DHX30: variants seen among roughly 807,000 people sequenced by gnomAD.
DHX30 encodes DExH-box helicase 30.
In DHX30, 4 loss-of-function variants were observed where a neutral mutation model predicts 116.9. The ratio of observed to expected loss-of-function variants is 0.03; its 90% CI spans 0.02 to 0.08. The LOEUF (loss-of-function observed/expected upper bound fraction) is 0.08. Ranked by LOEUF, DHX30 falls within the 10% of genes least tolerant of loss-of-function variation. The probability of loss-of-function intolerance (pLI) is 1.00; values close to 1 mark genes in which losing one functional copy is unlikely to be tolerated. For missense variants in DHX30, 871 were observed against 1,595.1 expected, an observed-to-expected ratio of 0.55 and a Z score of 7.73; for synonymous variants, 697 against 651.7, an observed-to-expected ratio of 1.07 and a Z score of -1.06.
chr3:47,841,052 T>C lies in DHX30; in HGVS notation c.542T>C (p.Leu181Pro), dbSNP rs1209481711. ...ESIRPGGPGG[L>P]SRSLGREEEE... The stretch of plus-strand genomic sequence containing the variant: ...ATTCGACCAGGGGGACCTGGGGGCC[T>C]ATCCCGCTCTTTAGGCCGGGAAGAA... Residue 181 changes from leucine to proline, a missense_variant, in exon 7 of 22, where the codon CTA becomes CCA. By Grantham distance (98) the Leu-to-Pro change is moderately conservative. Around this residue, in one of 13 missense-constraint regions of DHX30, gnomAD observed 109 missense variants for 118.8 expected, o/e 0.92. Coordinates refer to ENST00000445061, the MANE Select transcript of DHX30 (RefSeq NM_138615.3). 1.2e-6 allele frequency: 2 copies of C among 1,614,152 alleles called. No individual in the cohort carries two copies. The highest frequency in any genetic ancestry group is 2.2e-5 in the East Asian group (1 of 44,872).
At chr3:47,836,707 CAG>C (rs1469007901) in intron 6 of DHX30, among the ~76,000 whole-genome samples, 1 of 151,988 alleles carries the variant, frequency 6.6e-6, no homozygotes, top group East Asian at 1.9e-4. Context: ...TTAGTAGAGA[CAG>C]GGTTTCACCA....
rs2037956804 is a variant in DHX30, at chr3:47,849,623, T to TC, written c.3192-4dup. ...AAGGGTGGCCTCACCAGCCCTGTGT[T>TC]CCCTAGGGAGGCCACACGGTTACGG... On this transcript the variant is annotated splice_polypyrimidine_tract_variant and splice_region_variant and intron_variant, in intron 20 of 21. Coordinates refer to ENST00000445061, the MANE Select transcript of DHX30 (RefSeq NM_138615.3). 1 of 1,613,970 alleles carries TC rather than the reference T, an allele frequency of 6.2e-7. No individual in the cohort carries two copies. Among genetic ancestry groups the TC allele is most frequent in the Admixed American group, 1.7e-5 (1 of 59,998 alleles).
chr3:47,839,421 A>G, intron 6 of DHX30, among the ~76,000 whole-genome samples: 1 of 151,092 alleles, frequency 6.6e-6, no homozygotes, highest in Non-Finnish European at 1.5e-5. Flanking sequence ...CAGCCTCCCA[A>G]GTAGCTGGAA....
At chr3:47,819,881 C>A (rs998882817) in intron 4 of DHX30, among the ~76,000 whole-genome samples, 1 of 152,172 alleles carries the variant, frequency 6.6e-6, no homozygotes, top group Non-Finnish European at 1.5e-5. Context: ...GTCACTCGGC[C>A]CCACCTACTC....
At chr3:47,817,874 G>T (rs1438333998) in intron 3 of DHX30, 148 bp from the exon 4 acceptor site, 7 of 735,698 alleles carry the variant, frequency 9.5e-6, no homozygotes, top group African/African-American at 1.7e-5. Context: ...TGTTAGTGCT[G>T]TTCCTCAGAA....
chr3:47,824,962 G>A (rs901736801), intron 4 of DHX30: 2 of 498,058 alleles, frequency 4.0e-6, no homozygotes, highest in Non-Finnish European at 7.0e-6. Flanking sequence ...CAGGGGGCGC[G>A]CGGCGCTCGG....
At chr3:47,811,787 G>A (rs2035800484) in intron 3 of DHX30, among the ~76,000 whole-genome samples, 1 of 152,056 alleles carries the variant, frequency 6.6e-6, no homozygotes, top group Admixed American at 6.6e-5. Context: ...AGATTGGCTG[G>A]GCATGATGGC....
intron 6 of DHX30, among the ~76,000 whole-genome samples, chr3:47,836,542 G>A (rs1310578022): frequency 1.3e-5 from 2 of 151,636 alleles, no homozygotes; most frequent in African/African-American, 4.9e-5. Context: ...GTTTTGAGAT[G>A]GTGTCTTGCT....
chr3:47,839,673 T>G (rs1047408345), intron 6 of DHX30, among the ~76,000 whole-genome samples: 11 of 151,806 alleles, frequency 7.2e-5, no homozygotes, highest in Admixed American at 5.9e-4. Context: ...ACATAGGTTT[T>G]TTTGTTTGTT....
At chr3:47,831,965 G>A (rs2036879306) in intron 6 of DHX30, among the ~76,000 whole-genome samples, 2 of 109,270 alleles carry the variant, frequency 1.8e-5, no homozygotes, top group African/African-American at 6.8e-5. Context: ...CTCTCCCATC[G>A]TCTTGGCATT....
At position 47,848,943 on chromosome 3, in the gene DHX30, C is replaced by T; in HGVS notation, c.2793C>T (p.Asp931=). 1 of 1,610,886 alleles carries T rather than the reference C, an allele frequency of 6.2e-7. No individual in the cohort carries two copies. The highest frequency in any genetic ancestry group is 8.5e-7 in the Non-Finnish European group (1 of 1,178,040). ...AGGTGAAAGCACTGTTGAGCCATGA[C>T]AGCGGCAGTGACCACCTGGCCTTTG... ...VDKVKALLSH[D]SGSDHLAFVR... is the part of the protein sequence containing the mutation. The change falls in exon 18 of 22, where the codon GAC becomes GAT. Residue 931 remains aspartate (D), a synonymous_variant. Transcript: ENST00000445061. This position sits in a 1 kb window ranked among gnomAD's most constrained non-coding sequence, Gnocchi z 9.4.
chr3:47,827,114 G>A (rs1376639046), intron 4 of DHX30, among the ~76,000 whole-genome samples: 2 of 152,238 alleles, frequency 1.3e-5, no homozygotes, highest in East Asian at 3.9e-4. Flanking sequence ...TCCCTTCTGT[G>A]GTGTGTGGGT....
At chr3:47,812,697 G>A (rs1204119450) in intron 3 of DHX30, among the ~76,000 whole-genome samples, 2 of 141,660 alleles carry the variant, frequency 1.4e-5, no homozygotes, top group African/African-American at 2.6e-5. Context: ...GTCTCACTCT[G>A]TTGTTGCCCA....
At position 47,849,211 on chromosome 3, in the gene DHX30, A is replaced by C. The variant is rs2037857796; in HGVS notation, c.2949A>C (p.Ser983=). The change falls in exon 19 of 22, where the codon TCA becomes TCC. Residue 983 remains serine (S), a synonymous_variant. Transcript: ENST00000445061. The part of the protein sequence containing the change: ...RFIHGLIKQF[S]ENIYEAFLVG... ...CCCTAGGACTCATCAAGCAGTTCTC[A>C]GAGAACATTTATGAGGCCTTCCTGG... 1 of 1,613,846 alleles carries C rather than the reference A, an allele frequency of 6.2e-7. No homozygotes were observed. Among genetic ancestry groups the C allele is most frequent in the African/African-American group, 1.3e-5 (1 of 74,932 alleles).
At chr3:47,806,744 C>T (rs942042636) in intron 2 of DHX30, among the ~76,000 whole-genome samples, 1 of 151,878 alleles carries the variant, frequency 6.6e-6, no homozygotes, top group African/African-American at 2.4e-5. Context: ...TGCGCTCAGG[C>T]GTGCCTGGCC....
At chr3:47,814,399 T>G (rs1417465643) in intron 3 of DHX30, among the ~76,000 whole-genome samples, 1 of 129,574 alleles carries the variant, frequency 7.7e-6, no homozygotes, top group East Asian at 2.2e-4. Context: ...CACTCTAGCC[T>G]GGGTGACAGA....
intron 4 of DHX30, chr3:47,819,406 T>C (rs1046095721): frequency 9.2e-6 from 7 of 759,346 alleles, no homozygotes; most frequent in Admixed American, 5.9e-5. Flanking sequence ...AGTTGCTGCC[T>C]CTGGGGCAGC....
chr3:47,813,399 AG>A (rs1263634410), intron 3 of DHX30, among the ~76,000 whole-genome samples: 3 of 152,098 alleles, frequency 2.0e-5, no homozygotes, highest in African/African-American at 7.2e-5. Context: ...ACACTGAGTG[AG>A]GGGGTTGCAT....
intron 6 of DHX30, among the ~76,000 whole-genome samples, chr3:47,835,170 ATTTTTTTT>A: frequency 9.4e-6 from 1 of 106,502 alleles, no homozygotes; most frequent in South Asian, 3.0e-4. Flanking sequence ...TGCCTGGCTA[ATTTTTTTT>A]TTTTTTTTTT....
Sources: allele counts gnomAD v4.1 joint callset (sites outside exome capture counted in the v4.1 genomes callset), GRCh38; gene constraint gnomAD v4.1.1; regional missense constraint gnomAD v4.1.1; non-coding constraint Gnocchi (gnomAD v3.1); transcripts MANE v1.5; gene names NCBI Gene and HGNC (gene_info 2026-07-23, HGNC 2026-07-21).